The following CDYL variants were observed in gnomAD, a reference collection of about 807,000 sequenced individuals.
CDYL encodes chromodomain Y like.
A neutral mutation model predicts 47.3 loss-of-function variants in CDYL; 8 were observed. The ratio of observed to expected loss-of-function variants is 0.17; its 90% CI spans 0.10 to 0.31. The LOEUF (loss-of-function observed/expected upper bound fraction) is 0.31. Ranked by LOEUF, CDYL falls within the 10% of genes least tolerant of loss-of-function variation. The pLI is 1.00. For missense variants in CDYL, 471 were observed against 701.4 expected (o/e 0.67, Z 3.71); for synonymous variants, 266 against 265.0 (o/e 1.00, Z -0.04).
intron 1 of CDYL, among the ~76,000 whole-genome samples, chr6:4,789,073 G>GT (rs2127433907): frequency 6.6e-6 from 1 of 151,666 alleles, no homozygotes; most frequent in East Asian, 1.9e-4. Context: ...TGGTTTTCGT[G>GT]TTTTTTGTTT....
intron 3 of CDYL, among the ~76,000 whole-genome samples, chr6:4,757,265 G>T (rs73360651): frequency 0.16 from 24,693 of 152,138 alleles, 2,943 homozygotes; most frequent in African/African-American, 0.33. Flanking sequence ...TAATGCAATT[G>T]TTAGGATTAT....
At chr6:4,942,052 GTTC>G (rs1209161243) in intron 4 of CDYL, among the ~76,000 whole-genome samples, 4 of 152,162 alleles carry the variant, frequency 2.6e-5, no homozygotes, top group African/African-American at 9.7e-5. Flanking sequence ...GCTTCATGTA[GTTC>G]TTCTAGGCTT....
intron 2 of CDYL, among the ~76,000 whole-genome samples, chr6:4,725,344 T>G (rs1191687041): frequency 6.6e-6 from 1 of 152,162 alleles, no homozygotes; most frequent in East Asian, 1.9e-4. Context: ...CCTCAGCCCT[T>G]GGGTGGCCGA....
chr6:4,947,211 G>A (rs1758549684), intron 5 of CDYL, among the ~76,000 whole-genome samples: 1 of 152,230 alleles, frequency 6.6e-6, no homozygotes. Flanking sequence ...GTGTTGCCTT[G>A]CTGAGAGATA....
upstream of CDYL, chr6:4,773,118 G>C: frequency 2.2e-6 from 1 of 457,372 alleles, no homozygotes; most frequent in Non-Finnish European, 4.4e-6. This position sits in a 1 kb window ranked among gnomAD's most constrained non-coding sequence, Gnocchi z 4.6. Context: ...ATGATCAATT[G>C]TTTGGATTTG....
At chr6:4,898,171 A>G (rs1019672422) in intron 2 of CDYL, among the ~76,000 whole-genome samples, 1 of 151,840 alleles carries the variant, frequency 6.6e-6, no homozygotes, top group Non-Finnish European at 1.5e-5. Context: ...ACAGTGAGCT[A>G]TGGTTGCACC....
chr6:4,860,446 C>G (rs2127468202), intron 1 of CDYL, among the ~76,000 whole-genome samples: 1 of 150,604 alleles, frequency 6.6e-6, no homozygotes, highest in African/African-American at 2.4e-5. Flanking sequence ...AGTTGGGGAG[C>G]TTGTTAGCAA....
Position 4,935,928 on chromosome 6 carries a change from C to T in CDYL, c.948+157C>T, listed in dbSNP as rs113981451. ...AAGGGAGGGAGCAGAGGGGAAGTTG[C>T]GGGCTTTGCTCCATGTCCCACCTCC... On this transcript the variant is annotated intron_variant, in intron 3 of 6. Coordinates refer to ENST00000397588, the MANE Select transcript of CDYL (RefSeq NM_004824.4). Among the ~76,000 whole-genome samples, 431 of 152,278 alleles carry T rather than the reference C, an allele frequency of 2.8e-3. 2 individuals are homozygous for T. The highest frequency in any genetic ancestry group is 7.7e-3 in the African/African-American group (319 of 41,556).
rs373173767 is a variant in CDYL, at chr6:4,902,121, G to A, written c.691+9742G>A. ...AACAATAGAAATGGCAATAGAGGCC[G>A]GGTGCAGTGGCTCACACCTGTAATC... On this transcript the variant is annotated intron_variant, in intron 2 of 6. Coordinates refer to ENST00000397588, the MANE Select transcript of CDYL (RefSeq NM_004824.4). Among the ~76,000 whole-genome samples, 428 of 152,242 alleles carry A rather than the reference G, an allele frequency of 2.8e-3. 3 individuals are homozygous for A. Among genetic ancestry groups the A allele is most frequent in the Non-Finnish European group, 4.3e-3 (293 of 68,008 alleles).
rs998455412 is a variant in CDYL at position 4,801,562 on chromosome 6, T to G, written c.24+24755T>G. 2.0e-5 allele frequency among the ~76,000 whole-genome samples: 3 copies of G among 152,364 alleles called. No individual in the cohort carries two copies. The East Asian group carries it at 5.8e-4, about 29-fold the overall frequency. ...TACACACTTTGTTTTTCCTGTGATA[T>G]GCAGCCGCTTGTAGCTCTCCTCTGC... is the stretch of plus-strand genomic sequence containing the variant. On this transcript the variant is annotated intron_variant, in intron 1 of 6. Coordinates refer to ENST00000397588, the MANE Select transcript of CDYL (RefSeq NM_004824.4).
rs1320808258 is a variant in CDYL, at chr6:4,757,751, A to T, written c.186+22907A>T. Reference sequence around the variant, plus strand: ...AATTTTATTTGCTAAAAATAATTTTATTAAGCCAGGTGTGGTAGTTCATGC... The same window carrying T: ...AATTTTATTTGCTAAAAATAATTTTTTTAAGCCAGGTGTGGTAGTTCATGC... On this transcript the variant is annotated intron_variant, in intron 3 of 8. Transcript: ENST00000328908. Among the ~76,000 whole-genome samples, 5 of 152,234 alleles carry T rather than the reference A, an allele frequency of 3.3e-5. No homozygotes were observed. In the East Asian group the frequency reaches 9.6e-4, roughly 29 times the overall value.
intron 1 of CDYL, among the ~76,000 whole-genome samples, chr6:4,833,234 A>G (rs1232070444): frequency 1.4e-5 from 2 of 144,540 alleles, no homozygotes; most frequent in Non-Finnish European, 3.0e-5. Flanking sequence ...CCCTCTACAC[A>G]CTGCTTTGAA....
At chr6:4,827,238 A>G (rs929988901) in intron 1 of CDYL, among the ~76,000 whole-genome samples, 1 of 152,270 alleles carries the variant, frequency 6.6e-6, no homozygotes. Context: ...ATGTTTTTAT[A>G]TCCATTCTGC....
intron 1 of CDYL, among the ~76,000 whole-genome samples, chr6:4,710,506 G>T (rs528212282): frequency 5.4e-5 from 8 of 147,732 alleles, no homozygotes; most frequent in Non-Finnish European, 1.0e-4. Context: ...GAGAACCACT[G>T]CTTTTTTGGT....
intron 1 of CDYL, among the ~76,000 whole-genome samples, chr6:4,887,449 C>T (rs1011882995): frequency 6.6e-6 from 1 of 151,904 alleles, no homozygotes; most frequent in East Asian, 1.9e-4. Flanking sequence ...ATAACTAAGA[C>T]TTTCTTAATT....
intron 1 of CDYL, among the ~76,000 whole-genome samples, chr6:4,890,602 G>A (rs925544283): frequency 6.6e-6 from 1 of 152,144 alleles, no homozygotes; most frequent in Non-Finnish European, 1.5e-5. Flanking sequence ...GATGGGGATG[G>A]GGTATTCTCC....
intron 1 of CDYL, among the ~76,000 whole-genome samples, chr6:4,845,865 A>T (rs550051732): frequency 6.6e-6 from 1 of 152,304 alleles, no homozygotes; most frequent in East Asian, 1.9e-4. Flanking sequence ...CCCGCAGACC[A>T]ATTTGTTGAC....
intron 2 of CDYL, among the ~76,000 whole-genome samples, chr6:4,907,896 T>G (rs1359586671): frequency 6.6e-6 from 1 of 152,180 alleles, no homozygotes; most frequent in East Asian, 1.9e-4. Context: ...GATCCTTTGC[T>G]CTTCAGCATG....
At chr6:4,784,095 G>A (rs1035843031) in intron 1 of CDYL, among the ~76,000 whole-genome samples, 2 of 152,018 alleles carry the variant, frequency 1.3e-5, no homozygotes, top group African/African-American at 4.8e-5. Context: ...CTAAACTATA[G>A]TTCACTAATG....
Sources: gnomAD v4.1 joint callset for allele counts (sites outside exome capture counted in the v4.1 genomes callset) on GRCh38, gnomAD v4.1.1 for gene constraint, Gnocchi (gnomAD v3.1) non-coding constraint, MANE v1.5 for transcripts, NCBI Gene and HGNC (gene_info 2026-07-23, HGNC 2026-07-21) for gene names.